The following SLC35F4 variants were observed in gnomAD, a reference collection of about 807,000 sequenced individuals.
SLC35F4 encodes the protein solute carrier family 35 member F4, also known as chromosome 14 open reading frame 36.
A neutral mutation model predicts 44.2 loss-of-function variants in SLC35F4; 24 were observed. That is an observed-to-expected ratio of 0.54 (90% confidence interval 0.39 to 0.76). SLC35F4 has a LOEUF of 0.76. Ranked by LOEUF, SLC35F4 falls within the 30% of genes least tolerant of loss-of-function variation. The pLI is 0.00. For synonymous variants in SLC35F4, 238 were observed against 223.6 expected (o/e 1.06, Z -0.57); for missense variants, 562 against 586.1 (o/e 0.96, Z 0.42).
intron 3 of SLC35F4, among the ~76,000 whole-genome samples, chr14:57,587,885 A>G (rs898427188): frequency 1.3e-5 from 2 of 151,722 alleles, no homozygotes; most frequent in Non-Finnish European, 2.9e-5. Context: ...AAAAAAAAAA[A>G]AAAGAAAATG....
intron 1 of SLC35F4, among the ~76,000 whole-genome samples, chr14:57,741,028 T>C (rs989478627): frequency 6.6e-6 from 1 of 152,094 alleles, no homozygotes; most frequent in African/African-American, 2.4e-5. Flanking sequence ...TCCTGACTGT[T>C]AGAAGGAAAA....
intron 1 of SLC35F4, among the ~76,000 whole-genome samples, chr14:57,794,775 T>C (rs2078015086): frequency 2.0e-5 from 3 of 152,046 alleles, no homozygotes; most frequent in Non-Finnish European, 4.4e-5. Context: ...TGTAGTACCC[T>C]GCAAATAATA....
At chr14:57,936,836 T>C (rs1889805543) in intron 1 of SLC35F4, among the ~76,000 whole-genome samples, 1 of 152,096 alleles carries the variant, frequency 6.6e-6, no homozygotes, top group Non-Finnish European at 1.5e-5. Flanking sequence ...TGGAGGAGCA[T>C]TCCAGGAGAG....
intron 1 of SLC35F4, among the ~76,000 whole-genome samples, chr14:57,827,803 CA>C (rs5808943): frequency 0.32 from 40,491 of 127,946 alleles, 5,513 homozygotes; most frequent in Admixed American, 0.42. Context: ...CCTTATTTTT[CA>C]AAAAAAAAAA....
chr14:57,939,703 T>C lies in SLC35F4; in HGVS notation n.282+42210A>G, dbSNP rs572983412. Among the ~76,000 whole-genome samples the C allele has an allele frequency of 4.6e-5, 7 of 152,302 alleles. No individual in the cohort carries two copies. In the East Asian group the frequency reaches 1.2e-3, roughly 25 times the overall value. The stretch of plus-strand genomic sequence containing the variant: ...GGAGTTGGAATAATGTGGAATTGAA[T>C]TGGACAGTTAAATCATTTTCCCCAA... On this transcript the variant is annotated intron_variant and non_coding_transcript_variant, in intron 1 of 1. Coordinates refer to the SLC35F4 transcript ENST00000556568.
Position 57,564,083 on chromosome 14 carries a change from T to C in SLC35F4, c.*52A>G. On this transcript the variant is annotated 3_prime_UTR_variant, in exon 8 of 8. Coordinates refer to ENST00000556826, the MANE Select transcript of SLC35F4 (RefSeq NM_001306087.2). ...TTGAGTGTACAGGTAGTGAGAAAAT[T>C]TTGTTATATTCACAGAATATACATA... 2.5e-6 allele frequency: 4 copies of C among 1,595,642 alleles called. No homozygotes were observed. Among genetic ancestry groups the C allele is most frequent in the Non-Finnish European group, 3.4e-6 (4 of 1,167,926 alleles).
intron 1 of SLC35F4, among the ~76,000 whole-genome samples, chr14:57,785,746 A>C (rs1386842719): frequency 6.6e-6 from 1 of 152,186 alleles, no homozygotes; most frequent in Non-Finnish European, 1.5e-5. Flanking sequence ...GGGGAAGAGG[A>C]AGCAGCAGAA....
At chr14:57,776,590 C>G (rs2077493444) in intron 1 of SLC35F4, among the ~76,000 whole-genome samples, 1 of 143,574 alleles carries the variant, frequency 7.0e-6, no homozygotes, top group Non-Finnish European at 1.5e-5. Flanking sequence ...CGCTTGAACC[C>G]AGGAGGCAGA....
rs141109758 is a variant in SLC35F4 at position 57,584,822 on chromosome 14, A to G, written c.588-3389T>C. ...GTATTCTTGAGATACTTCTTTTTAT[A>G]TAAAACTTTTGTTGTTTTAAATCAA... is the stretch of plus-strand genomic sequence containing the variant. On this transcript the variant is annotated intron_variant, in intron 3 of 7. Transcript: ENST00000556826. Among the ~76,000 whole-genome samples, 1,353 of 152,128 alleles carry G rather than the reference A, an allele frequency of 8.9e-3. 11 individuals carry two copies. The highest frequency in any genetic ancestry group is 0.012 in the Non-Finnish European group (806 of 68,010).
rs2073833174 is a variant in SLC35F4, at chr14:57,652,794, G to T, written c.104-58670C>A. Among the ~76,000 whole-genome samples, 3 of 152,348 alleles carry T rather than the reference G, an allele frequency of 2.0e-5. No homozygotes were observed. The South Asian group carries it at 6.2e-4, about 32-fold the overall frequency. On this transcript the variant is annotated intron_variant, in intron 1 of 7. Transcript: ENST00000556826. The stretch of plus-strand genomic sequence containing the variant: ...GAAAAATCCTGACTTATGCTAAAAT[G>T]TACACAAATCTCTTCTCTGATGAGG...
rs2881531 is a variant in SLC35F4 at position 57,665,975 on chromosome 14, A to G, written c.104-71851T>C. Among the ~76,000 whole-genome samples the G allele has an allele frequency of 7.6e-3, 1,164 of 152,290 alleles. 24 individuals carry two copies. Among genetic ancestry groups the G allele is most frequent in the East Asian group, 0.035 (183 of 5,172 alleles). ...GGGGGAACAACACACATTTTGGTCTATTGGAAGGTGGGAGGAGGGAGAGGA... is the reference window on the plus strand; with the variant it reads ...GGGGGAACAACACACATTTTGGTCTGTTGGAAGGTGGGAGGAGGGAGAGGA... On this transcript the variant is annotated intron_variant, in intron 1 of 7. Coordinates refer to ENST00000556826, the MANE Select transcript of SLC35F4 (RefSeq NM_001306087.2).
chr14:57,569,889 G>A lies in SLC35F4; in HGVS notation c.1025C>T (p.Ser342Phe), dbSNP rs867957773. 4 of 1,612,628 alleles carry A rather than the reference G, an allele frequency of 2.5e-6. No homozygotes were observed. Among genetic ancestry groups the A allele is most frequent in the South Asian group, 1.1e-5 (1 of 90,570 alleles). The part of the protein sequence containing the change: ...TLGFFNLIFI[S>F]FTPVILYFTK... ...GAAATACAAGATGACTGGGGTGAAG[G>A]AGATGAAGATCAAATTGAAGAAACC... Residue 342 changes from serine to phenylalanine, a missense_variant, in exon 6 of 8, where the codon TCC (serine) becomes TTC (phenylalanine). Physicochemically the swap from Ser to Phe is radical, Grantham distance 155. Transcript: ENST00000556826.
chr14:57,616,332 G>T (rs1394553106), intron 1 of SLC35F4, among the ~76,000 whole-genome samples: 1 of 152,202 alleles, frequency 6.6e-6, no homozygotes. Flanking sequence ...AGGGGAAATT[G>T]ACCCTTGAGC....
At chr14:57,936,319 T>A (rs1358398444) in intron 1 of SLC35F4, among the ~76,000 whole-genome samples, 2 of 152,188 alleles carry the variant, frequency 1.3e-5, no homozygotes, top group African/African-American at 4.8e-5. Context: ...TTAAGGCTCA[T>A]AGGGAATATA....
intron 1 of SLC35F4, among the ~76,000 whole-genome samples, chr14:57,799,839 A>G (rs1299444680): frequency 2.0e-5 from 3 of 152,180 alleles, no homozygotes; most frequent in South Asian, 2.1e-4. Context: ...CAAAAGTTCT[A>G]TGGACAGAGC....
chr14:57,899,879 G>C (rs576877023), intron 1 of SLC35F4, among the ~76,000 whole-genome samples: 1 of 152,200 alleles, frequency 6.6e-6, no homozygotes, highest in Non-Finnish European at 1.5e-5. Context: ...AAGTGTGAGT[G>C]GTAGAAAGGT....
Position 57,865,744 on chromosome 14 carries a change from G to A in SLC35F4, c.82C>T (p.Pro28Ser). 6.6e-7 allele frequency: 1 copy of A among 1,523,458 alleles called. No individual in the cohort carries two copies. The highest frequency in any genetic ancestry group is 8.8e-7 in the Non-Finnish European group (1 of 1,141,764). 94.4% of individuals were successfully genotyped at this position (1,523,458 alleles called of 1,614,324 possible). A position where few individuals can be genotyped will look rare whatever the true frequency, so the allele number is the denominator to read the frequency against. ...LRITGYYGYY[P>S]GYSSQKSTSR... ...TTACTTTTCTGGCTGGAGTAACCTG[G>A]ATAATAGCCATAGTAGCCGGTGATC... The change falls in exon 1 of 8, where the codon CCA (proline) becomes TCA (serine). Residue 28 changes from proline to serine, a missense_variant. By Grantham distance (74) the Pro-to-Ser change is moderately conservative. Transcript: ENST00000556826.
chr14:57,591,579 T>C (rs2070181698), intron 2 of SLC35F4, among the ~76,000 whole-genome samples: 1 of 152,190 alleles, frequency 6.6e-6, no homozygotes, highest in Non-Finnish European at 1.5e-5. Flanking sequence ...AAGCTGAGAA[T>C]TGTGTTAAGG....
At chr14:57,592,142 G>A (rs1292982004) in intron 2 of SLC35F4, among the ~76,000 whole-genome samples, 2 of 152,096 alleles carry the variant, frequency 1.3e-5, no homozygotes, top group Non-Finnish European at 2.9e-5. Context: ...GTTTTACCAG[G>A]ATTCTATCCA....
Sources: allele counts gnomAD v4.1 joint callset (sites outside exome capture counted in the v4.1 genomes callset), GRCh38; gene constraint gnomAD v4.1.1; transcripts MANE v1.5; gene names NCBI Gene and HGNC (gene_info 2026-07-23, HGNC 2026-07-21).